Variants in PTPRN2 observed in about 807,000 individuals in gnomAD.
The protein encoded by PTPRN2 is receptor-type tyrosine-protein phosphatase N2.
PTPRN2 carries 74 observed loss-of-function variants against 118.8 expected under a neutral mutation model. That is an observed-to-expected ratio of 0.62 (90% CI 0.52 to 0.76). The LOEUF is 0.76. PTPRN2 is among the 30% of genes least tolerant of loss of function. PTPRN2 has a pLI of 0.00. For missense variants in PTPRN2, 1,481 were observed against 1,394.4 expected (o/e 1.06, Z -0.99); for synonymous variants, 641 against 608.0 (o/e 1.05, Z -0.80).
chr7:158,418,858 T>A (rs1489078522), intron 2 of PTPRN2, among the ~76,000 whole-genome samples: 5 of 152,242 alleles, frequency 3.3e-5, no homozygotes. Flanking sequence ...TACATCAAGA[T>A]GCTGTAGCTC....
chr7:158,150,548 C>T (rs537416089), intron 6 of PTPRN2, among the ~76,000 whole-genome samples: 11 of 152,084 alleles, frequency 7.2e-5, no homozygotes, highest in Admixed American at 1.3e-4. Context: ...TCCTGGAGCC[C>T]AGAAACAAGT....
At position 158,129,493 on chromosome 7, in the gene PTPRN2, C is replaced by T. The variant is rs370237860; in HGVS notation, c.1556+4184G>A. Among the ~76,000 whole-genome samples, 99 of 79,106 alleles carry T rather than the reference C, an allele frequency of 1.3e-3. 1 individual carries two copies. The highest frequency in any genetic ancestry group is 3.3e-3 in the African/African-American group (96 of 29,372). The allele number at this position is 79,106 out of a possible 152,430, so 51.9% of individuals were successfully genotyped here. On this transcript the variant is annotated intron_variant, in intron 9 of 22. Transcript: ENST00000389418. ...TGTGCACCACAACACACAGCACACA[C>T]ACACACCATGCAACATACTACACAC... is the stretch of plus-strand genomic sequence containing the variant.
rs1041801596 is a variant in PTPRN2, at chr7:157,787,582, C to T, written c.1789-104645G>A. Among the ~76,000 whole-genome samples, 2 of 152,130 alleles carry T rather than the reference C, an allele frequency of 1.3e-5. No homozygotes were observed. The highest frequency in any genetic ancestry group is 2.9e-5 in the Non-Finnish European group (2 of 68,010). On this transcript the variant is annotated intron_variant, in intron 12 of 22. Transcript: ENST00000389418. The surrounding 1 kb of genome is among the most constrained non-coding windows in gnomAD (Gnocchi z 5.3). ...CCTTCATGTCTTGTAGGCGACCCCACAGAGAGAGAGGCAGAGGAGAGTGGC... is the reference window on the plus strand; with the variant it reads ...CCTTCATGTCTTGTAGGCGACCCCATAGAGAGAGAGGCAGAGGAGAGTGGC...
chr7:158,067,375 G>A (rs967816081), intron 11 of PTPRN2, among the ~76,000 whole-genome samples: 1 of 152,178 alleles, frequency 6.6e-6, no homozygotes, highest in Non-Finnish European at 1.5e-5. Flanking sequence ...GCAGGGGTTT[G>A]TCTTCAGGAG....
intron 12 of PTPRN2, among the ~76,000 whole-genome samples, chr7:157,721,085 G>C (rs1447888750): frequency 6.6e-6 from 1 of 152,144 alleles, no homozygotes; most frequent in Non-Finnish European, 1.5e-5. Context: ...TGTGTGCTCT[G>C]GCCTATTTTA....
intron 2 of PTPRN2, among the ~76,000 whole-genome samples, chr7:158,425,750 C>A (rs1288307501): frequency 3.4e-5 from 3 of 88,514 alleles, no homozygotes; most frequent in Non-Finnish European, 6.2e-5. Flanking sequence ...CTGCGCACCG[C>A]CGGGAAAGAC....
At chr7:157,736,339 C>T (rs1800294934) in intron 12 of PTPRN2, among the ~76,000 whole-genome samples, 1 of 152,200 alleles carries the variant, frequency 6.6e-6, no homozygotes, top group African/African-American at 2.4e-5. Flanking sequence ...CTCTGATCCC[C>T]ATGTGCCTAT....
intron 2 of PTPRN2, among the ~76,000 whole-genome samples, chr7:158,324,456 CT>C (rs1172947689): frequency 6.6e-6 from 1 of 151,838 alleles, no homozygotes; most frequent in East Asian, 1.9e-4. Flanking sequence ...GTCCTCACCC[CT>C]GGCAGTGACC....
intron 6 of PTPRN2, among the ~76,000 whole-genome samples, chr7:158,162,435 A>G (rs1822443803): frequency 6.6e-6 from 1 of 152,214 alleles, no homozygotes; most frequent in African/African-American, 2.4e-5. Flanking sequence ...AGCACTAAAG[A>G]GAAATGAGCC....
At chr7:157,783,056 G>A (rs545795830) in intron 12 of PTPRN2, among the ~76,000 whole-genome samples, 6 of 152,286 alleles carry the variant, frequency 3.9e-5, no homozygotes, top group African/African-American at 1.4e-4. Flanking sequence ...CACAAGATCT[G>A]ACGGTTTTAT....
rs555004212 is a variant in PTPRN2, at chr7:158,251,803, G to A, written c.278-46530C>T. 3.6e-4 allele frequency among the ~76,000 whole-genome samples: 55 copies of A among 152,228 alleles called. No homozygotes were observed. The Middle Eastern group carries it at 0.01, about 28-fold the overall frequency. On this transcript the variant is annotated intron_variant, in intron 3 of 22. Transcript: ENST00000389418. The stretch of plus-strand genomic sequence containing the variant: ...GTGTCCCCCTCATTACCTCACATGC[G>A]TATAGAGCACAGACACACACCTTAA...
At chr7:157,805,003 G>C (rs1367952214) in intron 12 of PTPRN2, among the ~76,000 whole-genome samples, 1 of 152,200 alleles carries the variant, frequency 6.6e-6, no homozygotes, top group African/African-American at 2.4e-5. Flanking sequence ...GGGATGCGCT[G>C]CCTCAGCGTG....
chr7:157,547,868 G>A lies in PTPRN2; in HGVS notation c.2976+1078C>T, dbSNP rs760971344. 4.6e-5 allele frequency among the ~76,000 whole-genome samples: 7 copies of A among 152,224 alleles called. No individual in the cohort carries two copies. The East Asian group carries it at 5.8e-4, about 13-fold the overall frequency. On this transcript the variant is annotated intron_variant, in intron 22 of 22. Transcript: ENST00000389418. ...CTAGAAGACCTCACAGCCGTGAAGCGTCCCGGACAGCAGAGGAACCATGAT... is the reference window on the plus strand; with the variant it reads ...CTAGAAGACCTCACAGCCGTGAAGCATCCCGGACAGCAGAGGAACCATGAT...
At chr7:157,820,600 C>T (rs935713181) in intron 12 of PTPRN2, among the ~76,000 whole-genome samples, 6 of 151,564 alleles carry the variant, frequency 4.0e-5, no homozygotes, top group South Asian at 2.1e-4. Context: ...CCCCCACACA[C>T]GCATTCTTAC....
chr7:157,568,230 TAA>T (rs1435565481), intron 21 of PTPRN2, among the ~76,000 whole-genome samples: 2 of 152,162 alleles, frequency 1.3e-5, no homozygotes, highest in African/African-American at 4.8e-5. Flanking sequence ...GCCTCATGTC[TAA>T]GACTCCCCAC....
At chr7:158,149,144 G>C (rs1192504130) in intron 6 of PTPRN2, among the ~76,000 whole-genome samples, 2 of 150,084 alleles carry the variant, frequency 1.3e-5, no homozygotes, top group East Asian at 2.0e-4. Context: ...CACGCCACGT[G>C]TCTTTCCCCC....
Position 157,625,184 on chromosome 7 carries a change from G to A in PTPRN2, c.2197-3675C>T, listed in dbSNP as rs542598289. 1.8e-4 allele frequency among the ~76,000 whole-genome samples: 28 copies of A among 152,292 alleles called. 1 individual carries two copies. The East Asian group carries it at 5.2e-3, about 28-fold the overall frequency. On this transcript the variant is annotated intron_variant, in intron 14 of 22. Coordinates refer to ENST00000389418, the MANE Select transcript of PTPRN2 (RefSeq NM_002847.5). ...GAAAACAGTGTGGAGATTTGTTAAA[G>A]AACTAAAAGTAGAAATACCATATGA...
chr7:158,293,587 A>G (rs1800260907), intron 3 of PTPRN2, among the ~76,000 whole-genome samples: 1 of 152,174 alleles, frequency 6.6e-6, no homozygotes, highest in South Asian at 2.1e-4. Context: ...AAAAAAAAAA[A>G]TAGTAACTTG....
At chr7:157,737,898 A>C (rs1219044090) in intron 12 of PTPRN2, among the ~76,000 whole-genome samples, 1 of 152,128 alleles carries the variant, frequency 6.6e-6, no homozygotes, top group African/African-American at 2.4e-5. Context: ...GGAGGCTCCG[A>C]GGGGCTCTTG....
Sources: allele counts gnomAD v4.1 joint callset (sites outside exome capture counted in the v4.1 genomes callset), GRCh38; gene constraint gnomAD v4.1.1; non-coding constraint Gnocchi (gnomAD v3.1); transcripts MANE v1.5; gene names NCBI Gene and HGNC (gene_info 2026-07-23, HGNC 2026-07-21).